Variants in ALDH1A2 observed in about 807,000 individuals in gnomAD.
The protein encoded by ALDH1A2 is aldehyde dehydrogenase 1 family member A2.
In ALDH1A2, 27 loss-of-function variants were observed where a neutral mutation model predicts 60.3. That is an observed-to-expected ratio of 0.45 (90% CI 0.33 to 0.62). The LOEUF is 0.62. ALDH1A2 is among the 20% of genes least tolerant of loss of function. The pLI is 0.02. For missense variants in ALDH1A2, 581 were observed against 643.8 expected, an observed-to-expected ratio of 0.90 and a Z score of 1.06; for synonymous variants, 289 against 232.4, an observed-to-expected ratio of 1.24 and a Z score of -2.21.
intron 1 of ALDH1A2, among the ~76,000 whole-genome samples, chr15:58,024,318 G>A (rs1481766151): frequency 6.6e-6 from 1 of 152,000 alleles, no homozygotes; most frequent in Non-Finnish European, 1.5e-5. Context: ...ATTTTATACT[G>A]CCTAGAAGAA....
intron 12 of ALDH1A2, among the ~76,000 whole-genome samples, chr15:57,960,254 A>G (rs536749510): frequency 1.3e-5 from 2 of 152,294 alleles, no homozygotes; most frequent in South Asian, 2.1e-4. Context: ...TTTATGCTCA[A>G]TATTTGTTAG....
At chr15:57,986,783 C>T (rs1361409993) in intron 7 of ALDH1A2, among the ~76,000 whole-genome samples, 1 of 151,996 alleles carries the variant, frequency 6.6e-6, no homozygotes, top group Admixed American at 6.6e-5. Context: ...AGGAATTCTC[C>T]TGCCTCAACC....
At chr15:57,994,321 G>T (rs1455074049) in intron 5 of ALDH1A2, among the ~76,000 whole-genome samples, 1 of 152,036 alleles carries the variant, frequency 6.6e-6, no homozygotes, top group African/African-American at 2.4e-5. Flanking sequence ...CCACATCTTT[G>T]GTTCCCAATG....
chr15:58,016,415 G>C (rs1895791475), intron 1 of ALDH1A2, among the ~76,000 whole-genome samples: 2 of 152,094 alleles, frequency 1.3e-5, no homozygotes, highest in Admixed American at 6.5e-5. Context: ...TGGGATTACA[G>C]GCGTGAGCCA....
intron 11 of ALDH1A2, 67 bp from the exon 12 acceptor site, chr15:57,960,911 T>C: frequency 6.9e-7 from 1 of 1,450,694 alleles, no homozygotes; most frequent in Non-Finnish European, 9.6e-7. Flanking sequence ...ACTGGCATGG[T>C]ATTTCTTTTA....
At position 57,995,120 on chromosome 15, in the gene ALDH1A2, A is replaced by G. The variant is rs1360460103; in HGVS notation, c.513T>C (p.Phe171=). The G allele has an allele frequency of 1.9e-6, 3 of 1,612,978 alleles. No individual in the cohort carries two copies. Among genetic ancestry groups the G allele is most frequent in the Admixed American group, 1.7e-5 (1 of 59,946 alleles). Residue 171 remains phenylalanine (F), a synonymous_variant, in exon 5 of 13, where the codon TTT becomes TTC. Transcript: ENST00000249750. ...ACACTCCAATGGGTTCATGTCTTGT[A>G]AAGGTAAAATAGTCTCCATCTGAAA... is the stretch of plus-strand genomic sequence containing the variant. ...TIPVDGDYFT[F]TRHEPIGVCG...
intron 1 of ALDH1A2, chr15:58,014,523 T>TA: frequency 1.8e-6 from 1 of 555,282 alleles, no homozygotes; most frequent in South Asian, 1.5e-5. Flanking sequence ...GTCAACTAAC[T>TA]AAAGATACAA....
intron 4 of ALDH1A2, among the ~76,000 whole-genome samples, chr15:58,003,004 T>C (rs1479911819): frequency 6.6e-6 from 1 of 151,926 alleles, no homozygotes; most frequent in Non-Finnish European, 1.5e-5. Context: ...GATGCTTTTC[T>C]TCCCAGAAGT....
chr15:57,966,910 C>T (rs1169129094), intron 7 of ALDH1A2, among the ~76,000 whole-genome samples: 1 of 152,184 alleles, frequency 6.6e-6, no homozygotes, highest in Non-Finnish European at 1.5e-5. Context: ...CACTGGAGAG[C>T]ACATATCACT....
intron 1 of ALDH1A2, among the ~76,000 whole-genome samples, chr15:58,016,818 C>A (rs7178598): frequency 0.46 from 69,960 of 151,928 alleles, 16,711 homozygotes; most frequent in Non-Finnish European, 0.54. Context: ...ATCATCCTTC[C>A]GTTTTCTAAT....
intron 1 of ALDH1A2, among the ~76,000 whole-genome samples, chr15:58,063,891 T>A (rs147427973): frequency 6.6e-6 from 1 of 152,232 alleles, no homozygotes; most frequent in East Asian, 1.9e-4. Context: ...TAGCTATAAA[T>A]CAGTTGTCTT....
intron 4 of ALDH1A2, 97 bp from the exon 5 acceptor site, chr15:57,995,236 A>AAAAAAAG: frequency 1.5e-6 from 1 of 647,220 alleles, no homozygotes; most frequent in Non-Finnish European, 2.6e-6. Context: ...AAAAAAAAAA[A>AAAAAAAG]CAAACAGAAA....
At position 57,954,833 on chromosome 15, in the gene ALDH1A2, G is replaced by GAGA. The variant is rs778030846; in HGVS notation, c.*361_*363dup. On this transcript the variant is annotated 3_prime_UTR_variant, in exon 13 of 13. Coordinates refer to ENST00000249750, the MANE Select transcript of ALDH1A2 (RefSeq NM_003888.4). ...CCTGGAAGGAGGAAAATGAAGACAG[G>GAGA]AGAAAGGTCACCTTTCCTTGAGAGG... 5 of 313,510 alleles carry GAGA rather than the reference G, an allele frequency of 1.6e-5. No individual in the cohort carries two copies. The highest frequency in any genetic ancestry group is 3.1e-5 in the Non-Finnish European group (5 of 162,386). 19.4% of individuals were successfully genotyped at this position (313,510 alleles called of 1,614,324 possible). A position where few individuals can be genotyped will look rare whatever the true frequency, so the allele number is the denominator to read the frequency against.
chr15:58,046,188 C>T (rs992979485), intron 1 of ALDH1A2, among the ~76,000 whole-genome samples: 5 of 152,004 alleles, frequency 3.3e-5, no homozygotes, highest in Non-Finnish European at 4.4e-5. Context: ...GGTAGTCTGA[C>T]ATGTGAATGG....
intron 1 of ALDH1A2, among the ~76,000 whole-genome samples, chr15:58,036,065 T>A (rs1896370140): frequency 6.6e-6 from 1 of 151,666 alleles, no homozygotes; most frequent in South Asian, 2.1e-4. Flanking sequence ...TATTTAATAG[T>A]GTAATAACAT....
intron 3 of ALDH1A2, among the ~76,000 whole-genome samples, chr15:58,012,469 G>C (rs1257657729): frequency 6.6e-6 from 1 of 152,152 alleles, no homozygotes; most frequent in African/African-American, 2.4e-5. Context: ...ATGTTAGCCA[G>C]AAAAATGGTG....
intron 7 of ALDH1A2, among the ~76,000 whole-genome samples, chr15:57,982,260 G>A (rs776356942): frequency 7.9e-5 from 12 of 152,170 alleles, no homozygotes; most frequent in Admixed American, 2.0e-4. Flanking sequence ...GGCCTGGAAA[G>A]ATTAAATAAT....
intron 7 of ALDH1A2, among the ~76,000 whole-genome samples, chr15:57,979,185 A>T (rs1243288176): frequency 1.3e-5 from 2 of 152,076 alleles, no homozygotes; most frequent in East Asian, 3.9e-4. Context: ...AAATCCAGCC[A>T]CTTGGGAGCC....
chr15:57,997,535 G>C (rs1166534112), intron 4 of ALDH1A2, among the ~76,000 whole-genome samples: 1 of 151,832 alleles, frequency 6.6e-6, no homozygotes, highest in Admixed American at 6.6e-5. Context: ...AGCACATGTA[G>C]GAACCTGGAA....
Sources: gnomAD v4.1 joint callset for allele counts (sites outside exome capture counted in the v4.1 genomes callset) on GRCh38, gnomAD v4.1.1 for gene constraint, MANE v1.5 for transcripts, NCBI Gene and HGNC (gene_info 2026-07-23, HGNC 2026-07-21) for gene names.